NAALADL2: variants seen among roughly 807,000 people sequenced by gnomAD.
NAALADL2 encodes the protein inactive N-acetylated-alpha-linked acidic dipeptidase-like protein 2.
Under a neutral mutation model 87.2 loss-of-function variants are expected in NAALADL2, and 76 were observed. The ratio of observed to expected loss-of-function variants is 0.87; its 90% CI spans 0.72 to 1.05. NAALADL2 has a LOEUF of 1.05. Among genes scored for constraint, NAALADL2 ranks in the 50% least tolerant of loss-of-function variants. The probability of loss-of-function intolerance (pLI) is 0.00; values close to 1 mark genes in which losing one functional copy is unlikely to be tolerated. For synonymous variants in NAALADL2, 354 were observed against 331.0 expected (o/e 1.07, Z -0.75); for missense variants, 1,089 against 945.8 (o/e 1.15, Z -1.99).
At chr3:175,438,863 A>G (rs561785133) in intron 5 of NAALADL2, among the ~76,000 whole-genome samples, 1 of 152,114 alleles carries the variant, frequency 6.6e-6, no homozygotes, top group South Asian at 2.1e-4. Context: ...ATTTATTTTT[A>G]TTTTGATAGG....
intron 5 of NAALADL2, among the ~76,000 whole-genome samples, chr3:175,325,345 A>C (rs1760575475): frequency 6.6e-6 from 1 of 152,210 alleles, no homozygotes; most frequent in African/African-American, 2.4e-5. Flanking sequence ...ATATGCTACA[A>C]AAGTATTCCT....
intron 11 of NAALADL2, among the ~76,000 whole-genome samples, chr3:175,637,946 T>C (rs1728774936): frequency 6.6e-6 from 1 of 152,160 alleles, no homozygotes; most frequent in Admixed American, 6.5e-5. Flanking sequence ...GCCATATGTC[T>C]CAGTTATTAA....
rs1380567445 is a variant in NAALADL2 at position 174,839,205 on chromosome 3, C to A, written c.-9+101459C>A. ...AATAAACCCAAATACTTACAGCCAA[C>A]TGATCTTTGACAAAGCAAACAAAAA... On this transcript the variant is annotated intron_variant, in intron 3 of 3. Transcript: ENST00000434257. Among the ~76,000 whole-genome samples, 2 of 152,180 alleles carry A rather than the reference C, an allele frequency of 1.3e-5. 1 individual carries two copies. The highest frequency in any genetic ancestry group is 2.9e-5 in the Non-Finnish European group (2 of 68,022).
intron 1 of NAALADL2, among the ~76,000 whole-genome samples, chr3:174,489,776 C>T (rs1454028169): frequency 1.3e-5 from 2 of 152,020 alleles, no homozygotes; most frequent in Non-Finnish European, 2.9e-5. Flanking sequence ...CAGTGAGAGA[C>T]TACACCCACT....
At chr3:175,658,973 G>A (rs1274507419) in intron 11 of NAALADL2, among the ~76,000 whole-genome samples, 1 of 151,996 alleles carries the variant, frequency 6.6e-6, no homozygotes, top group Non-Finnish European at 1.5e-5. Context: ...TGCATTTTCT[G>A]CATTTACATG....
At chr3:174,610,098 A>G (rs1176107721) in intron 2 of NAALADL2, among the ~76,000 whole-genome samples, 7 of 151,512 alleles carry the variant, frequency 4.6e-5, no homozygotes, top group Non-Finnish European at 1.0e-4. Context: ...TGCTGGGAAA[A>G]CTGGCTAGCC....
intron 3 of NAALADL2, among the ~76,000 whole-genome samples, chr3:174,822,511 C>T (rs748425412): frequency 2.0e-5 from 3 of 152,174 alleles, no homozygotes; most frequent in Non-Finnish European, 2.9e-5. Context: ...AAATGAGCTG[C>T]GTAACTGTTA....
chr3:174,557,741 G>A (rs544369099), intron 2 of NAALADL2, among the ~76,000 whole-genome samples: 16 of 151,972 alleles, frequency 1.1e-4, no homozygotes, highest in Non-Finnish European at 1.5e-5. Context: ...TGTCAGGAGG[G>A]CCCCAATAAC....
At chr3:174,491,710 TATC>T (rs1368046973) in intron 1 of NAALADL2, among the ~76,000 whole-genome samples, 3 of 152,178 alleles carry the variant, frequency 2.0e-5, no homozygotes, top group African/African-American at 7.2e-5. Context: ...TTTCCTAACA[TATC>T]ATATCATATA....
chr3:174,908,162 G>A (rs80086264), intron 1 of NAALADL2, among the ~76,000 whole-genome samples: 4,313 of 151,674 alleles, frequency 0.028, 74 homozygotes, highest in Non-Finnish European at 0.045. Context: ...GTTGCACTTG[G>A]TGGTGAAGTT....
At chr3:175,040,342 A>G (rs1753919007) in intron 1 of NAALADL2, among the ~76,000 whole-genome samples, 1 of 152,138 alleles carries the variant, frequency 6.6e-6, no homozygotes, top group Admixed American at 6.6e-5. Flanking sequence ...TTTCCCCTTC[A>G]TCATTGTATG....
intron 13 of NAALADL2, among the ~76,000 whole-genome samples, chr3:175,761,178 T>G (rs1034743468): frequency 6.6e-6 from 1 of 151,294 alleles, no homozygotes; most frequent in African/African-American, 2.5e-5. Context: ...ATAGAATAGT[T>G]TTACTGCCCT....
intron 1 of NAALADL2, among the ~76,000 whole-genome samples, chr3:174,463,036 AACCAGTGTGCAGTGAATC>A (rs1716304527): frequency 6.6e-6 from 1 of 152,232 alleles, no homozygotes. Context: ...AGCCTCTGAT[AACCAGTGTGCAGTGAATC>A]ACCTTCTTTA....
At position 175,099,077 on chromosome 3, in the gene NAALADL2, TC is replaced by T. The variant is rs1360537327; in HGVS notation, c.545+1789del. Among the ~76,000 whole-genome samples the T allele has an allele frequency of 8.5e-5, 13 of 152,316 alleles. No individual in the cohort carries two copies. In the East Asian group the frequency reaches 2.3e-3, roughly 27 times the overall value. ...TACAAACTAAGCTACATATTTATTTTCCCTCCTTATATAACTTTGGCTTTCT... is the reference window on the plus strand; with the variant it reads ...TACAAACTAAGCTACATATTTATTTTCCTCCTTATATAACTTTGGCTTTCT... On this transcript the variant is annotated intron_variant, in intron 2 of 13. Coordinates refer to ENST00000454872, the MANE Select transcript of NAALADL2 (RefSeq NM_207015.3).
At chr3:175,349,079 G>T (rs1168963762) in intron 5 of NAALADL2, among the ~76,000 whole-genome samples, 1 of 151,910 alleles carries the variant, frequency 6.6e-6, no homozygotes, top group Non-Finnish European at 1.5e-5. Context: ...TGGGGGACAT[G>T]TTGTTGTACT....
intron 1 of NAALADL2, among the ~76,000 whole-genome samples, chr3:175,075,986 A>T (rs1477413590): frequency 1.3e-5 from 2 of 152,076 alleles, no homozygotes; most frequent in African/African-American, 4.8e-5. Context: ...CCAGTACTTT[A>T]GGAGGCCGAG....
intron 1 of NAALADL2, among the ~76,000 whole-genome samples, chr3:174,961,336 T>A (rs1377873246): frequency 6.6e-6 from 1 of 151,748 alleles, no homozygotes; most frequent in Admixed American, 6.6e-5. Context: ...ATATATACTT[T>A]ATCTATACAA....
At chr3:174,531,941 G>T (rs1248297072) in intron 1 of NAALADL2, among the ~76,000 whole-genome samples, 5 of 152,070 alleles carry the variant, frequency 3.3e-5, no homozygotes, top group Non-Finnish European at 7.4e-5. Flanking sequence ...AAATATTAAA[G>T]TCCTCATAAA....
intron 2 of NAALADL2, among the ~76,000 whole-genome samples, chr3:175,161,499 G>T (rs554004739): frequency 1.3e-5 from 2 of 152,198 alleles, no homozygotes; most frequent in South Asian, 4.2e-4. Flanking sequence ...ATTGTCTCAA[G>T]ACTAAAATTC....
Sources: gnomAD v4.1 joint callset for allele counts (sites outside exome capture counted in the v4.1 genomes callset) on GRCh38, gnomAD v4.1.1 for gene constraint, MANE v1.5 for transcripts, NCBI Gene and HGNC (gene_info 2026-07-23, HGNC 2026-07-21) for gene names.